The following MLYCD variants were observed in gnomAD, a reference collection of about 807,000 sequenced individuals.
MLYCD encodes the protein malonyl-CoA decarboxylase, mitochondrial.
MLYCD carries 27 observed loss-of-function variants against 35.8 expected under a neutral mutation model. The ratio of observed to expected loss-of-function variants is 0.75; its 90% CI spans 0.56 to 1.04. The LOEUF (loss-of-function observed/expected upper bound fraction) is 1.04. MLYCD is among the 50% of genes least tolerant of loss of function. The pLI, the probability that MLYCD is intolerant of heterozygous loss-of-function variation, is 0.00. For missense variants in MLYCD, 917 were observed against 665.1 expected, an observed-to-expected ratio of 1.38 and a Z score of -4.17; for synonymous variants, 403 against 302.4, an observed-to-expected ratio of 1.33 and a Z score of -3.45.
intron 2 of MLYCD, among the ~76,000 whole-genome samples, chr16:83,907,428 G>A (rs1907019856): frequency 6.6e-6 from 1 of 152,168 alleles, no homozygotes; most frequent in South Asian, 2.1e-4. Context: ...GAAACTCACT[G>A]GACCAAGCGT....
Position 83,906,889 on chromosome 16 carries a change from C to T in MLYCD, c.529-98C>T, listed in dbSNP as rs3815805. ...TGTCTTGCACAATTGTCTTATGTATCGTGCTTGAGTGTTTTCATTCCTTGT... is the reference window on the plus strand; with the variant it reads ...TGTCTTGCACAATTGTCTTATGTATTGTGCTTGAGTGTTTTCATTCCTTGT... On this transcript the variant is annotated intron_variant, in intron 1 of 4. Coordinates refer to ENST00000262430, the MANE Select transcript of MLYCD (RefSeq NM_012213.3). 234,903 of 984,376 alleles carry T rather than the reference C, an allele frequency of 0.24. 29,963 individuals are homozygous for T. Among genetic ancestry groups the T allele is most frequent in the East Asian group, 0.33 (13,964 of 41,882 alleles). The allele number at this position is 984,376 out of a possible 1,614,324, so 61.0% of individuals were successfully genotyped here.
rs1259907648 is a variant in MLYCD at position 83,921,721 on chromosome 16, G to A, written c.*6232G>A. 6.6e-6 allele frequency: 1 copy of A among 152,196 alleles called. No individual in the cohort carries two copies. The highest frequency in any genetic ancestry group is 1.5e-5 in the Non-Finnish European group (1 of 68,050). 9.4% of individuals were successfully genotyped at this position (152,196 alleles called of 1,614,324 possible). On this transcript the variant is annotated 3_prime_UTR_variant, in exon 5 of 5. Transcript: ENST00000262430. ...CTCTTACTGTAGAACCTCTAGAAAG[G>A]CAGGTGGCTTCCAGCTCCTCGCTTT...
intron 3 of MLYCD, chr16:83,911,810 G>A (rs376683955): frequency 1.2e-5 from 3 of 248,910 alleles, no homozygotes; most frequent in African/African-American, 2.2e-5. Flanking sequence ...GGTGGGAAAC[G>A]TCAGTCCTTT....
chr16:83,905,732 C>G (rs1253965204), intron 1 of MLYCD, among the ~76,000 whole-genome samples: 2 of 152,242 alleles, frequency 1.3e-5, no homozygotes, highest in Admixed American at 6.5e-5. Flanking sequence ...GACCAGAACT[C>G]TGTCACATGG....
At chr16:83,903,465 C>T (rs1338936627) in intron 1 of MLYCD, among the ~76,000 whole-genome samples, 1 of 152,194 alleles carries the variant, frequency 6.6e-6, no homozygotes, top group Non-Finnish European at 1.5e-5. Flanking sequence ...CAGTGCTACC[C>T]TCATCCATGA....
Position 83,925,405 on chromosome 16 carries a change from A to T in MLYCD, c.*9916A>T, listed in dbSNP as rs569298469. The stretch of plus-strand genomic sequence containing the variant: ...ACAGACCACTGGCCTTGTTCTCTTC[A>T]TTTCCCTGGCCCAGGTTACAAAGTC... On this transcript the variant is annotated 3_prime_UTR_variant, in exon 5 of 5. Coordinates refer to ENST00000262430, the MANE Select transcript of MLYCD (RefSeq NM_012213.3). The T allele has an allele frequency of 1.3e-5, 2 of 151,856 alleles. No individual in the cohort carries two copies. Among genetic ancestry groups the T allele is most frequent in the African/African-American group, 2.4e-5 (1 of 41,288 alleles). 9.4% of individuals were successfully genotyped at this position (151,856 alleles called of 1,614,324 possible). A position where few individuals can be genotyped will look rare whatever the true frequency, so the allele number is the denominator to read the frequency against.
intron 3 of MLYCD, among the ~76,000 whole-genome samples, chr16:83,909,620 G>GTTTTTT (rs1281867257): frequency 7.6e-6 from 1 of 130,818 alleles, no homozygotes. Flanking sequence ...GTGGTGTTGT[G>GTTTTTT]TTTTTTTTTT....
At position 83,918,365 on chromosome 16, in the gene MLYCD, G is replaced by A. The variant is rs114815637; in HGVS notation, c.*2876G>A. ...ACGCACACGGTGCACAGGAGAACAC[G>A]CACACATGTTGCACAGGAGAATTCA... On this transcript the variant is annotated 3_prime_UTR_variant, in exon 5 of 5. Transcript: ENST00000262430. 83 of 134,086 alleles carry A rather than the reference G, an allele frequency of 6.2e-4. No individual in the cohort carries two copies. Among genetic ancestry groups the A allele is most frequent in the Admixed American group, 9.1e-4 (12 of 13,206 alleles). 8.3% of individuals were successfully genotyped at this position (134,086 alleles called of 1,614,324 possible). A position where few individuals can be genotyped will look rare whatever the true frequency, so the allele number is the denominator to read the frequency against.
intron 4 of MLYCD, 182 bp from the exon 5 acceptor site, chr16:83,914,774 G>T (rs1333627222): frequency 8.2e-6 from 7 of 849,958 alleles, no homozygotes; most frequent in Non-Finnish European, 1.1e-5. Context: ...GCAAGACCCT[G>T]ACTCTAAGAG....
intron 3 of MLYCD, chr16:83,911,857 A>G: frequency 3.2e-6 from 1 of 314,948 alleles, no homozygotes; most frequent in Non-Finnish European, 6.1e-6. Context: ...TTTGGTCTCA[A>G]GGATCCGTGT....
intron 3 of MLYCD, among the ~76,000 whole-genome samples, chr16:83,910,709 A>AAAGGAGAT (rs1907145252): frequency 6.6e-6 from 1 of 151,136 alleles, no homozygotes; most frequent in Non-Finnish European, 1.5e-5. Context: ...AAAAAAAAAG[A>AAAGGAGAT]AAGGAGATAA....
intron 3 of MLYCD, 111 bp downstream of exon 3, chr16:83,908,393 TAAATGGTTTTGGGC>T: frequency 7.5e-7 from 1 of 1,324,514 alleles, no homozygotes; most frequent in African/African-American, 1.5e-5. Context: ...TTTTTTTAAA[TAAATGGTTTTGGGC>T]TTTTTTAAAT....
At position 83,915,204 on chromosome 16, in the gene MLYCD, G is replaced by A. The variant is rs1275034824; in HGVS notation, c.1197G>A (p.Met399Ile). The change falls in exon 5 of 5, where the codon ATG becomes ATA. Residue 399 changes from methionine (M) to isoleucine (I), a missense_variant. Transcript: ENST00000262430. ...TGCGGGCGCTGCAGACTCCGCTGAT[G>A]AGGCTGTGCGCCTGGTACCTGTATG... ...KLVRALQTPL[M>I]RLCAWYLYGE... 1.9e-6 allele frequency: 3 copies of A among 1,614,086 alleles called. No homozygotes were observed. Among genetic ancestry groups the A allele is most frequent in the Non-Finnish European group, 1.7e-6 (2 of 1,179,910 alleles).
At chr16:83,913,220 G>A (rs143829910) in intron 4 of MLYCD, 1 of 152,372 alleles carries the variant, frequency 6.6e-6, no homozygotes, top group East Asian at 1.9e-4. Flanking sequence ...GGATTCAGCT[G>A]GGCGTGGGCT....
chr16:83,901,893 T>C (rs143161498), intron 1 of MLYCD, among the ~76,000 whole-genome samples: 1 of 152,142 alleles, frequency 6.6e-6, no homozygotes, highest in African/African-American at 2.4e-5. Context: ...CAGAGGTGTT[T>C]ATCAAACAGA....
Position 83,907,056 on chromosome 16 carries a change from G to T in MLYCD, c.598G>T (p.Val200Phe). ...CTCCGGGTTCCTGAACCTAGAACGGGTTACCTGGCATTCACCGTGTGAAGT... is the reference window on the plus strand; with the variant it reads ...CTCCGGGTTCCTGAACCTAGAACGGTTTACCTGGCATTCACCGTGTGAAGT... ...FSSGFLNLER[V>F]TWHSPCEVLQ... is the part of the protein sequence containing the mutation. The change falls in exon 2 of 5, where the codon GTT (valine) becomes TTT (phenylalanine). Residue 200 changes from valine to phenylalanine, a missense_variant. Transcript: ENST00000262430. 1 of 1,614,212 alleles carries T rather than the reference G, an allele frequency of 6.2e-7. No individual in the cohort carries two copies. The highest frequency in any genetic ancestry group is 1.1e-5 in the South Asian group (1 of 91,090).
intron 3 of MLYCD, chr16:83,911,996 A>C (rs1487698036): frequency 1.7e-6 from 1 of 597,726 alleles, no homozygotes; most frequent in Non-Finnish European, 3.0e-6. Context: ...GAAACGATGC[A>C]GTGCTGAGGA....
At chr16:83,914,570 G>A (rs1472177785) in intron 4 of MLYCD, 1 of 332,456 alleles carries the variant, frequency 3.0e-6, no homozygotes, top group African/African-American at 2.1e-5. Context: ...GAGACGCCCT[G>A]CCTTGGGGAG....
intron 2 of MLYCD, among the ~76,000 whole-genome samples, chr16:83,907,531 T>G (rs1351033323): frequency 6.6e-6 from 1 of 152,076 alleles, no homozygotes; most frequent in Non-Finnish European, 1.5e-5. Context: ...CATGTGTTAG[T>G]TACATCCAGG....
Sources: allele counts gnomAD v4.1 joint callset (sites outside exome capture counted in the v4.1 genomes callset), GRCh38; gene constraint gnomAD v4.1.1; transcripts MANE v1.5; gene names NCBI Gene and HGNC (gene_info 2026-07-23, HGNC 2026-07-21).